Variants in WDR45B observed in about 807,000 individuals in gnomAD.
The protein encoded by WDR45B is WD repeat domain 45B, also known as WD repeat domain phosphoinositide-interacting protein 3.
WDR45B carries 20 observed loss-of-function variants against 44.6 expected under a neutral mutation model. That is an observed-to-expected ratio of 0.45 (90% CI 0.32 to 0.65). The LOEUF is 0.65. Ranked by LOEUF, WDR45B falls within the 30% of genes least tolerant of loss-of-function variation. The probability of loss-of-function intolerance (pLI) is 0.05; values close to 1 mark genes in which losing one functional copy is unlikely to be tolerated. For missense variants in WDR45B, 323 were observed against 430.2 expected, an observed-to-expected ratio of 0.75 and a Z score of 2.20; for synonymous variants, 169 against 164.9, an observed-to-expected ratio of 1.02 and a Z score of -0.19.
chr17:82,645,978 G>A (rs2045970270), intron 1 of WDR45B, among the ~76,000 whole-genome samples: 2 of 151,990 alleles, frequency 1.3e-5, no homozygotes, highest in East Asian at 1.9e-4. Flanking sequence ...AAAATTAGCC[G>A]GGAGCGGTGG....
At chr17:82,627,675 C>T (rs959140220) in intron 3 of WDR45B, among the ~76,000 whole-genome samples, 1 of 152,274 alleles carries the variant, frequency 6.6e-6, no homozygotes, top group Non-Finnish European at 1.5e-5. Flanking sequence ...GCTCCCTCCC[C>T]GTCCGTTCCT....
At position 82,615,775 on chromosome 17, in the gene WDR45B, A is replaced by G. The variant is rs929685891; in HGVS notation, c.*144T>C. 5 of 732,352 alleles carry G rather than the reference A, an allele frequency of 6.8e-6. No homozygotes were observed. In the Admixed American group the frequency reaches 8.4e-5, roughly 12 times the overall value. 45.4% of individuals were successfully genotyped at this position (732,352 alleles called of 1,614,324 possible). On this transcript the variant is annotated 3_prime_UTR_variant, in exon 10 of 10. Transcript: ENST00000392325. Reference sequence around the variant, plus strand: ...TACTGGAAATGGGAGTCCTTAGGAAAGCAGACAACCACGTATGGCTTCGAG... The same window carrying G: ...TACTGGAAATGGGAGTCCTTAGGAAGGCAGACAACCACGTATGGCTTCGAG...
intron 2 of WDR45B, among the ~76,000 whole-genome samples, chr17:82,631,247 G>A (rs2045762639): frequency 6.7e-6 from 1 of 149,192 alleles, no homozygotes; most frequent in African/African-American, 2.5e-5. Flanking sequence ...TCCTGCCTCA[G>A]CTTCCCAAGT....
In WDR45B at chr17:82,647,653, G is replaced by C. The variant is rs1035324785; in HGVS notation, c.67+621C>G. Among the ~76,000 whole-genome samples the C allele has an allele frequency of 2.6e-5, 4 of 152,142 alleles. No individual in the cohort carries two copies. In the East Asian group the frequency reaches 5.8e-4, roughly 22 times the overall value. On this transcript the variant is annotated intron_variant, in intron 1 of 9. Transcript: ENST00000392325. ...AACACGAAGAAAAATCCCGGGGAGT[G>C]GGGGTGGGGAGAGTGACATTTTCCG...
At chr17:82,644,887 G>A (rs1401994518) in intron 1 of WDR45B, among the ~76,000 whole-genome samples, 9 of 152,214 alleles carry the variant, frequency 5.9e-5, no homozygotes. Context: ...GAGGCCGGAC[G>A]CAGCAGCTCA....
rs905996820 is a variant in WDR45B, at chr17:82,620,333, G to A, written c.619-1205C>T. Among the ~76,000 whole-genome samples the A allele has an allele frequency of 6.6e-5, 10 of 152,164 alleles. No homozygotes were observed. In the East Asian group the frequency reaches 1.2e-3, roughly 18 times the overall value. On this transcript the variant is annotated intron_variant, in intron 6 of 9. Transcript: ENST00000392325. ...CCTGTCACCCAGCTACTCGGGAGGT[G>A]GAGGCAGGAGAATCGCTGGCACCCA...
chr17:82,642,315 C>T (rs1388067566), intron 2 of WDR45B, among the ~76,000 whole-genome samples: 1 of 152,170 alleles, frequency 6.6e-6, no homozygotes, highest in Non-Finnish European at 1.5e-5. Context: ...GTGAACGGCA[C>T]ACGCGAGGGA....
intron 2 of WDR45B, among the ~76,000 whole-genome samples, chr17:82,643,634 G>A (rs1348166035): frequency 2.0e-5 from 3 of 152,138 alleles, no homozygotes; most frequent in Non-Finnish European, 4.4e-5. Context: ...TTACAGGTAA[G>A]ACTTTACTTG....
Position 82,648,336 on chromosome 17 carries a change from T to C in WDR45B, c.5A>G (p.Asn2Ser), listed in dbSNP as rs1390162335. 6.2e-7 allele frequency: 1 copy of C among 1,605,440 alleles called. No homozygotes were observed. Among genetic ancestry groups the C allele is most frequent in the Non-Finnish European group, 8.5e-7 (1 of 1,177,568 alleles). Residue 2 changes from asparagine (N) to serine (S), a missense_variant, in exon 1 of 10, where the codon AAC becomes AGC. Asn to Ser is a conservative substitution (Grantham distance 46, BLOSUM62 1). Transcript: ENST00000392325. M[N>S]LLPCNPHGNG... Reference sequence around the variant, plus strand: ...GCCGTGAGGGTTACACGGCAGGAGGTTCATGGCGCCGCCGTGCTGGGTCGC... The same window carrying C: ...GCCGTGAGGGTTACACGGCAGGAGGCTCATGGCGCCGCCGTGCTGGGTCGC...
chr17:82,647,776 G>A (rs937129140), intron 1 of WDR45B, among the ~76,000 whole-genome samples: 3 of 152,004 alleles, frequency 2.0e-5, no homozygotes, highest in African/African-American at 7.2e-5. Context: ...GTAAACCCAA[G>A]CGAAGTCAGC....
chr17:82,644,612 T>A (rs758201517), intron 1 of WDR45B: 161 of 172,496 alleles, frequency 9.3e-4, no homozygotes, highest in Non-Finnish European at 1.7e-3. Flanking sequence ...CTGTTAATGG[T>A]CCAAATAAAC....
rs2045517651 is a variant in WDR45B, at chr17:82,615,369, ACT to A, written c.*548_*549del. ...GGCTCACACGAGGGGAAACATTCAC[ACT>A]GTGTTCTCTCTACAGGGTCAGGTCA... On this transcript the variant is annotated 3_prime_UTR_variant, in exon 10 of 10. Transcript: ENST00000392325. 1 of 172,016 alleles carries A rather than the reference ACT, an allele frequency of 5.8e-6. No individual in the cohort carries two copies. Among genetic ancestry groups the A allele is most frequent in the South Asian group, 1.3e-4 (1 of 7,594 alleles). The allele number at this position is 172,016 out of a possible 1,614,324, so 10.7% of individuals were successfully genotyped here.
Position 82,622,141 on chromosome 17 carries a change from T to C in WDR45B, c.428-342A>G, listed in dbSNP as rs958150963. ...ACGCCACCGAAAATGCAATGCAAAA[T>C]TATAAAATTTAAAAGCTGCTCCATC... is the stretch of plus-strand genomic sequence containing the variant. On this transcript the variant is annotated intron_variant, in intron 5 of 9. Transcript: ENST00000392325. Among the ~76,000 whole-genome samples, 4 of 151,838 alleles carry C rather than the reference T, an allele frequency of 2.6e-5. No individual in the cohort carries two copies. The East Asian group carries it at 7.7e-4, about 29-fold the overall frequency.
chr17:82,634,644 C>T (rs1402260844), intron 2 of WDR45B, among the ~76,000 whole-genome samples: 1 of 151,952 alleles, frequency 6.6e-6, no homozygotes, highest in Admixed American at 6.6e-5. Context: ...CAGAAGGACC[C>T]GAGTGTCCAC....
intron 3 of WDR45B, chr17:82,629,893 G>A (rs529430896): frequency 1.0e-5 from 10 of 985,022 alleles, no homozygotes; most frequent in South Asian, 9.4e-5. Context: ...TTTGGCATGC[G>A]GCGCCCCCAG....
chr17:82,643,104 G>A (rs930361977), intron 2 of WDR45B, among the ~76,000 whole-genome samples: 1 of 152,126 alleles, frequency 6.6e-6, no homozygotes, highest in Non-Finnish European at 1.5e-5. Flanking sequence ...CAATAACTCT[G>A]AGGCAGGCAT....
intron 1 of WDR45B, 180 bp from the exon 2 acceptor site, chr17:82,644,203 T>C (rs1264173415): frequency 4.5e-6 from 3 of 671,306 alleles, no homozygotes; most frequent in Non-Finnish European, 8.1e-6. Context: ...AGCACATCCA[T>C]GCAGGGCATT....
chr17:82,648,367 C>T lies in WDR45B; in HGVS notation c.-27G>A. The T allele has an allele frequency of 6.2e-7, 1 of 1,601,764 alleles. No individual in the cohort carries two copies. Among genetic ancestry groups the T allele is most frequent in the Non-Finnish European group, 8.5e-7 (1 of 1,176,018 alleles). ...GCGCCGCCGTGCTGGGTCGCCGCTC[C>T]TCAGCGCTGCATGCCTCTCGCTGGG... On this transcript the variant is annotated 5_prime_UTR_variant, in exon 1 of 10. Coordinates refer to ENST00000392325, the MANE Select transcript of WDR45B (RefSeq NM_019613.4).
intron 5 of WDR45B, among the ~76,000 whole-genome samples, chr17:82,623,702 T>TTA (rs2045651754): frequency 7.6e-6 from 1 of 131,556 alleles, no homozygotes; most frequent in African/African-American, 2.9e-5. Flanking sequence ...CATCTCATAT[T>TTA]AAAAAAAAAA....
Sources: allele counts gnomAD v4.1 joint callset (sites outside exome capture counted in the v4.1 genomes callset), GRCh38; gene constraint gnomAD v4.1.1; transcripts MANE v1.5; gene names NCBI Gene and HGNC (gene_info 2026-07-23, HGNC 2026-07-21).